CDH13: variants seen among roughly 807,000 people sequenced by gnomAD.
The protein encoded by CDH13 is cadherin 13.
Under a neutral mutation model 63.8 loss-of-function variants are expected in CDH13, and 24 were observed. The ratio of observed to expected loss-of-function variants is 0.38; its 90% CI spans 0.27 to 0.53. The LOEUF is 0.53. CDH13 is among the 20% of genes least tolerant of loss of function. The probability of loss-of-function intolerance (pLI) is 0.85; values close to 1 mark genes in which losing one functional copy is unlikely to be tolerated. For missense variants in CDH13, 1,049 were observed against 903.1 expected (o/e 1.16, Z -2.07); for synonymous variants, 503 against 355.3 (o/e 1.42, Z -4.67).
At chr16:82,744,167 G>T (rs191385981) in intron 1 of CDH13, among the ~76,000 whole-genome samples, 2 of 152,342 alleles carry the variant, frequency 1.3e-5, no homozygotes, top group African/African-American at 4.8e-5. Context: ...GAGATAGGAT[G>T]GCAGCCTCTG....
chr16:83,056,384 T>C (rs1164745534), intron 3 of CDH13, among the ~76,000 whole-genome samples: 2 of 151,888 alleles, frequency 1.3e-5, no homozygotes, highest in East Asian at 3.9e-4. Context: ...AGCTAAAAAC[T>C]GGAAACAACT....
At chr16:83,212,175 G>C (rs2039357015) in intron 4 of CDH13, among the ~76,000 whole-genome samples, 1 of 152,128 alleles carries the variant, frequency 6.6e-6, no homozygotes, top group Non-Finnish European at 1.5e-5. Context: ...TAATCAAGGT[G>C]GTCTGGAAAC....
At chr16:83,227,120 G>T (rs1356596478) in intron 5 of CDH13, among the ~76,000 whole-genome samples, 1 of 152,324 alleles carries the variant, frequency 6.6e-6, no homozygotes, top group East Asian at 1.9e-4. Flanking sequence ...CTGCAAGATT[G>T]AAAGTGAAGG....
At chr16:83,149,395 T>C (rs978515775) in intron 4 of CDH13, among the ~76,000 whole-genome samples, 1 of 152,164 alleles carries the variant, frequency 6.6e-6, no homozygotes, top group African/African-American at 2.4e-5. Flanking sequence ...AACTCAAGTA[T>C]TTAATATTAT....
intron 6 of CDH13, among the ~76,000 whole-genome samples, chr16:83,405,741 G>A (rs1441445924): frequency 6.6e-6 from 1 of 152,166 alleles, no homozygotes; most frequent in Non-Finnish European, 1.5e-5. Flanking sequence ...TACTAATAGT[G>A]CCATGTTATC....
At chr16:83,294,337 T>G (rs1298058675) in intron 5 of CDH13, among the ~76,000 whole-genome samples, 1 of 152,176 alleles carries the variant, frequency 6.6e-6, no homozygotes, top group African/African-American at 2.4e-5. Context: ...TGAGCTTATT[T>G]TTCCTATCCA....
At chr16:82,791,712 C>G (rs2036314692) in intron 1 of CDH13, among the ~76,000 whole-genome samples, 1 of 152,222 alleles carries the variant, frequency 6.6e-6, no homozygotes, top group African/African-American at 2.4e-5. Flanking sequence ...CCACTCCCGA[C>G]TGGGCTAAAG....
In CDH13 at chr16:83,779,989, C is replaced by A; in HGVS notation, c.1703C>A (p.Thr568Asn). 6.2e-7 allele frequency: 1 copy of A among 1,611,632 alleles called. No homozygotes were observed. Among genetic ancestry groups the A allele is most frequent in the Non-Finnish European group, 8.5e-7 (1 of 1,177,818 alleles). The change falls in exon 12 of 14, where the codon ACT (threonine) becomes AAT (asparagine). Residue 568 changes from threonine to asparagine, a missense_variant. Thr to Asn is a moderately conservative substitution (Grantham distance 65). Transcript: ENST00000567109. ...ACAGGCAACCCTCCCGCTACGGGCA[C>A]TGGGACTTTGCTGATAACCCTGGAG... ...IDSGNPPATG[T>N]GTLLITLEDV...
chr16:82,903,628 G>C (rs2041543815), intron 2 of CDH13, among the ~76,000 whole-genome samples: 1 of 152,124 alleles, frequency 6.6e-6, no homozygotes, highest in African/African-American at 2.4e-5. Context: ...GCTTCTCACA[G>C]TTTAATTGCC....
intron 6 of CDH13, among the ~76,000 whole-genome samples, chr16:83,472,842 A>T (rs1013552752): frequency 5.3e-5 from 8 of 152,170 alleles, no homozygotes; most frequent in African/African-American, 1.7e-4. Context: ...TTTCATTCAG[A>T]GGATACGAGG....
At position 83,452,125 on chromosome 16, in the gene CDH13, G is replaced by C. The variant is rs919914819; in HGVS notation, c.782-34352G>C. Among the ~76,000 whole-genome samples, 28 of 152,288 alleles carry C rather than the reference G, an allele frequency of 1.8e-4. 1 individual carries two copies. Among genetic ancestry groups the C allele is most frequent in the Non-Finnish European group, 1.5e-4 (10 of 68,028 alleles). ...GACAGGAGATACATTTCGATTCAAA[G>C]TTCTGAAAATATGATTAATCTCAAG... On this transcript the variant is annotated intron_variant, in intron 6 of 13. Coordinates refer to ENST00000567109, the MANE Select transcript of CDH13 (RefSeq NM_001257.5).
intron 1 of CDH13, among the ~76,000 whole-genome samples, chr16:82,649,618 G>A (rs1445897046): frequency 2.0e-5 from 3 of 152,162 alleles, no homozygotes; most frequent in Admixed American, 6.5e-5. Context: ...AGCATGGCAT[G>A]TATGAGCTTA....
At chr16:83,727,878 C>T (rs1910595837) in intron 10 of CDH13, among the ~76,000 whole-genome samples, 1 of 152,104 alleles carries the variant, frequency 6.6e-6, no homozygotes, top group Non-Finnish European at 1.5e-5. Context: ...GCCATTCCCG[C>T]CCGCTGCTAA....
At position 83,516,124 on chromosome 16, in the gene CDH13, A is replaced by G. The variant is rs12446533; in HGVS notation, c.960+29469A>G. 3.3e-3 allele frequency among the ~76,000 whole-genome samples: 502 copies of G among 152,360 alleles called. 8 individuals are homozygous for G. The highest frequency in any genetic ancestry group is 0.027 in the Admixed American group (413 of 15,308). On this transcript the variant is annotated intron_variant, in intron 7 of 13. Coordinates refer to ENST00000567109, the MANE Select transcript of CDH13 (RefSeq NM_001257.5). ...TATCTTCATCATAAAAGTGTATAAC[A>G]TAAAGAGATGTCCTCAGATAGCTCA...
At chr16:82,977,241 G>T (rs577400721) in intron 2 of CDH13, among the ~76,000 whole-genome samples, 27 of 152,250 alleles carry the variant, frequency 1.8e-4, no homozygotes, top group African/African-American at 6.5e-4. Context: ...GGGCTGCAGA[G>T]CTGGACAACA....
At chr16:83,608,957 C>A (rs1359544319) in intron 8 of CDH13, among the ~76,000 whole-genome samples, 1 of 152,068 alleles carries the variant, frequency 6.6e-6, no homozygotes, top group Non-Finnish European at 1.5e-5. Flanking sequence ...AATATAAGAA[C>A]AAAAGGTATA....
intron 1 of CDH13, among the ~76,000 whole-genome samples, chr16:82,842,091 CATATATATATATATATATAT>C (rs2039031604): frequency 4.8e-5 from 2 of 41,676 alleles, no homozygotes; most frequent in Non-Finnish European, 1.1e-4. Context: ...TTGCATTCTA[CATATATATATATATATATAT>C]GTATATATAT....
At chr16:82,840,684 C>CAAA (rs753429857) in intron 1 of CDH13, among the ~76,000 whole-genome samples, 21,561 of 85,234 alleles carry the variant, frequency 0.25, 2,516 homozygotes, top group Non-Finnish European at 0.35. Flanking sequence ...GAATCCATCT[C>CAAA]AAAAAAAAAA....
At chr16:82,950,983 G>T (rs140860876) in intron 2 of CDH13, among the ~76,000 whole-genome samples, 1 of 152,148 alleles carries the variant, frequency 6.6e-6, no homozygotes, top group African/African-American at 2.4e-5. Flanking sequence ...CTTCAGCTTA[G>T]ATGTTGCGCA....
Sources: gnomAD v4.1 joint callset for allele counts (sites outside exome capture counted in the v4.1 genomes callset) on GRCh38, gnomAD v4.1.1 for gene constraint, MANE v1.5 for transcripts, NCBI Gene and HGNC (gene_info 2026-07-23, HGNC 2026-07-21) for gene names.